NCOA2: variants seen among roughly 807,000 people sequenced by gnomAD.
NCOA2 encodes nuclear receptor coactivator 2, also known as class E basic helix-loop-helix protein 75.
Under a neutral mutation model 145.1 loss-of-function variants are expected in NCOA2, and 21 were observed. The ratio of observed to expected loss-of-function variants is 0.14; its 90% CI spans 0.10 to 0.21. The LOEUF is 0.21. NCOA2 is among the 10% of genes least tolerant of loss of function. NCOA2 has a pLI of 1.00. For missense variants in NCOA2, 1,472 were observed against 1,837.6 expected, an observed-to-expected ratio of 0.80 and a Z score of 3.64; for synonymous variants, 619 against 637.5, an observed-to-expected ratio of 0.97 and a Z score of 0.44.
intron 1 of NCOA2, among the ~76,000 whole-genome samples, chr8:70,357,813 G>A (rs1309795205): frequency 6.6e-6 from 1 of 152,102 alleles, no homozygotes; most frequent in Non-Finnish European, 1.5e-5. Flanking sequence ...CACTTTGGGA[G>A]GCCAAGGCGA....
intron 11 of NCOA2, among the ~76,000 whole-genome samples, chr8:70,152,194 G>T (rs1585858021): frequency 6.6e-6 from 1 of 152,120 alleles, no homozygotes; most frequent in Non-Finnish European, 1.5e-5. Flanking sequence ...GAGTCAGAAA[G>T]ATTTTTATAA....
chr8:70,172,931 A>G (rs1207752360), intron 5 of NCOA2, among the ~76,000 whole-genome samples: 1 of 152,160 alleles, frequency 6.6e-6, no homozygotes, highest in Non-Finnish European at 1.5e-5. Flanking sequence ...AGCAACCACT[A>G]TGCTATGATG....
intron 5 of NCOA2, among the ~76,000 whole-genome samples, chr8:70,172,407 A>C (rs569881982): frequency 6.6e-6 from 1 of 152,246 alleles, no homozygotes; most frequent in East Asian, 1.9e-4. Flanking sequence ...GCTATCTTTG[A>C]ATATATTTCA....
At position 70,113,355 on chromosome 8, in the gene NCOA2, T is replaced by C; in HGVS notation, c.*277A>G. ...GGTATGAAATTTGCCTGTCAACATTTACTTTTGCAGGAGAGATCTAAGTTG... is the reference window on the plus strand; with the variant it reads ...GGTATGAAATTTGCCTGTCAACATTCACTTTTGCAGGAGAGATCTAAGTTG... On this transcript the variant is annotated 3_prime_UTR_variant, in exon 23 of 23. Transcript: ENST00000452400. 1 of 512,470 alleles carries C rather than the reference T, an allele frequency of 2.0e-6. No individual in the cohort carries two copies. The highest frequency in any genetic ancestry group is 3.5e-6 in the Non-Finnish European group (1 of 286,524). 31.7% of individuals were successfully genotyped at this position (512,470 alleles called of 1,614,324 possible).
At chr8:70,264,446 G>C (rs1824397330) in intron 2 of NCOA2, among the ~76,000 whole-genome samples, 1 of 151,722 alleles carries the variant, frequency 6.6e-6, no homozygotes, top group African/African-American at 2.4e-5. Context: ...AGAGAGGTGT[G>C]ATAGTGCCAC....
At chr8:70,430,796 G>A in the NCOA2 span, among the ~76,000 whole-genome samples, 1 of 152,166 alleles carries the variant, frequency 6.6e-6, no homozygotes, top group Non-Finnish European at 1.5e-5. Context: ...TGATTTTGCC[G>A]ATTATTTTTC....
At chr8:70,351,711 G>C (rs1031775998) in intron 1 of NCOA2, among the ~76,000 whole-genome samples, 1 of 146,974 alleles carries the variant, frequency 6.8e-6, no homozygotes, top group Non-Finnish European at 1.5e-5. Context: ...TCAGCCTCCA[G>C]AGTAGCTAGG....
chr8:70,401,942 C>T (rs556706041), intron 1 of NCOA2: 1 of 152,318 alleles, frequency 6.6e-6, no homozygotes, highest in African/African-American at 2.4e-5. Flanking sequence ...TATTTCGGTA[C>T]GAAAGACATA....
intron 4 of NCOA2, among the ~76,000 whole-genome samples, chr8:70,198,235 TTTG>T (rs1320711620): frequency 6.6e-6 from 1 of 152,226 alleles, no homozygotes; most frequent in African/African-American, 2.4e-5. Flanking sequence ...TTTTTTGTGT[TTTG>T]TTGTTGTTGT....
chr8:70,392,568 T>C (rs1813301377), intron 1 of NCOA2, among the ~76,000 whole-genome samples: 1 of 152,252 alleles, frequency 6.6e-6, no homozygotes, highest in South Asian at 2.1e-4. Flanking sequence ...ATTTATCTAT[T>C]AAGACATCAG....
intron 1 of NCOA2, among the ~76,000 whole-genome samples, chr8:70,388,861 T>A (rs567990120): frequency 7.8e-4 from 119 of 152,288 alleles, no homozygotes; most frequent in African/African-American, 2.8e-3. Flanking sequence ...GTCTACAGTT[T>A]ACAATTACTT....
the NCOA2 span, among the ~76,000 whole-genome samples, chr8:70,443,945 A>G: frequency 1.3e-5 from 2 of 152,330 alleles, no homozygotes; most frequent in South Asian, 4.1e-4. Context: ...GATAAATTGT[A>G]TAGAACTAAG....
At chr8:70,326,997 A>G (rs1482804974) in intron 1 of NCOA2, among the ~76,000 whole-genome samples, 5 of 152,208 alleles carry the variant, frequency 3.3e-5, no homozygotes, top group African/African-American at 1.2e-4. Flanking sequence ...GTCCTGTCCC[A>G]GTAGTCCTTT....
At chr8:70,450,354 A>G in the NCOA2 span, among the ~76,000 whole-genome samples, 3 of 152,286 alleles carry the variant, frequency 2.0e-5, no homozygotes, top group African/African-American at 7.2e-5. Flanking sequence ...CCTGAACACT[A>G]ACTAGCCCCT....
intron 1 of NCOA2, among the ~76,000 whole-genome samples, chr8:70,382,762 G>A (rs144309110): frequency 9.9e-5 from 15 of 152,282 alleles, no homozygotes; most frequent in African/African-American, 3.6e-4. Context: ...TTCCAGAAGG[G>A]TTAATACAAC....
At chr8:70,155,929 A>G (rs1319905614) in intron 11 of NCOA2, 42 bp downstream of exon 11, 1 of 1,475,800 alleles carries the variant, frequency 6.8e-7, no homozygotes, top group Non-Finnish European at 9.1e-7. Flanking sequence ...TCCTTGATGG[A>G]TACAGATTAG....
At chr8:70,157,566 A>C (rs1368933903) in intron 10 of NCOA2, among the ~76,000 whole-genome samples, 1 of 152,230 alleles carries the variant, frequency 6.6e-6, no homozygotes, top group Non-Finnish European at 1.5e-5. Context: ...CATCTTTCTC[A>C]TGAGTAGTTG....
chr8:70,235,464 A>G (rs1309961521), intron 2 of NCOA2, among the ~76,000 whole-genome samples: 1 of 152,198 alleles, frequency 6.6e-6, no homozygotes, highest in African/African-American at 2.4e-5. Flanking sequence ...AAAAAATTTA[A>G]AAAAATATTT....
chr8:70,338,258 G>A (rs1467927598), intron 1 of NCOA2, among the ~76,000 whole-genome samples: 5 of 152,038 alleles, frequency 3.3e-5, no homozygotes, highest in African/African-American at 9.7e-5. Context: ...ATAATAAGGC[G>A]ATTATCACAA....
Sources: allele counts gnomAD v4.1 joint callset (sites outside exome capture counted in the v4.1 genomes callset), GRCh38; gene constraint gnomAD v4.1.1; transcripts MANE v1.5; gene names NCBI Gene and HGNC (gene_info 2026-07-23, HGNC 2026-07-21).